Variants in MGAT4C observed in about 807,000 individuals in gnomAD.
MGAT4C encodes alpha-1,3-mannosyl-glycoprotein 4-beta-N-acetylglucosaminyltransferase C.
Under a neutral mutation model 40.1 loss-of-function variants are expected in MGAT4C, and 19 were observed. That is an observed-to-expected ratio of 0.47 (90% confidence interval 0.33 to 0.70). The LOEUF (loss-of-function observed/expected upper bound fraction) is 0.70, where lower values mean the gene tolerates loss of function less well. Among genes scored for constraint, MGAT4C ranks in the 30% least tolerant of loss-of-function variants. MGAT4C has a pLI of 0.02. For synonymous variants in MGAT4C, 181 were observed against 187.1 expected (o/e 0.97, Z 0.27); for missense variants, 491 against 563.2 (o/e 0.87, Z 1.30).
chr12:86,665,933 G>T (rs182103729), intron 2 of MGAT4C, among the ~76,000 whole-genome samples: 5 of 152,078 alleles, frequency 3.3e-5, no homozygotes, highest in Admixed American at 3.3e-4. Flanking sequence ...AAAAATAACA[G>T]AAAAATAAAC....
rs36112885 is a variant in MGAT4C at position 86,737,342 on chromosome 12, CT to C, written c.-261-10102del. On this transcript the variant is annotated intron_variant, in intron 1 of 7. Coordinates refer to the MGAT4C transcript ENST00000548651. ...TTGATGAGTCTAGCCAACTAAAATACTTTTTTTTTTTTTTTTTTTAACTTGG... is the reference window on the plus strand; with the variant it reads ...TTGATGAGTCTAGCCAACTAAAATACTTTTTTTTTTTTTTTTTTAACTTGG... 7.7e-3 allele frequency among the ~76,000 whole-genome samples: 1,013 copies of C among 131,158 alleles called. 11 individuals are homozygous for C. Among genetic ancestry groups the C allele is most frequent in the African/African-American group, 0.026 (938 of 35,826 alleles). The allele number at this position is 131,158 out of a possible 152,430, so 86.0% of individuals were successfully genotyped here.
intron 2 of MGAT4C, among the ~76,000 whole-genome samples, chr12:86,717,516 C>A (rs1470239494): frequency 6.6e-6 from 1 of 152,074 alleles, no homozygotes; most frequent in African/African-American, 2.4e-5. Context: ...AAATACATAG[C>A]ATATTTTGTT....
At position 86,774,315 on chromosome 12, in the gene MGAT4C, C is replaced by CTTTCTTTCTTTCTTTCTTTCTTTCT. The variant is rs768603562; in HGVS notation, c.-261-47099_-261-47075dup. ...TCTTTCTTTCTTTCTTTCTTTCTTT[C>CTTTCTTTCTTTCTTTCTTTCTTTCT]TTTCTTTCTTTCTTTCTTTCTTTCT... is the stretch of plus-strand genomic sequence containing the variant. On this transcript the variant is annotated intron_variant, in intron 1 of 7. Coordinates refer to the MGAT4C transcript ENST00000548651. Among the ~76,000 whole-genome samples the CTTTCTTTCTTTCTTTCTTTCTTTCT allele has an allele frequency of 3.1e-3, 186 of 59,394 alleles. 14 individuals carry two copies. The highest frequency in any genetic ancestry group is 9.4e-3 in the African/African-American group (176 of 18,668). 39.0% of individuals were successfully genotyped at this position (59,394 alleles called of 152,430 possible). A position where few individuals can be genotyped will look rare whatever the true frequency, so the allele number is the denominator to read the frequency against.
intron 2 of MGAT4C, among the ~76,000 whole-genome samples, chr12:86,482,433 T>A (rs1181872259): frequency 1.3e-5 from 2 of 152,062 alleles, no homozygotes; most frequent in Non-Finnish European, 2.9e-5. Flanking sequence ...AGTTGACACA[T>A]TTTTATTTTT....
intron 1 of MGAT4C, among the ~76,000 whole-genome samples, chr12:86,103,997 C>T (rs1008987449): frequency 1.3e-5 from 2 of 151,842 alleles, no homozygotes; most frequent in African/African-American, 2.4e-5. Context: ...TTTAAAAGAC[C>T]TCAAAAAGTA....
In MGAT4C at chr12:86,444,606, T is replaced by C. The variant is rs371925103; in HGVS notation, c.-228-9341A>G. ...CTACCATATCGTTGCAAATCTGACC[T>C]TACTCCAGTCTTCCATATCTTAACA... On this transcript the variant is annotated intron_variant, in intron 2 of 7. Coordinates refer to the MGAT4C transcript ENST00000548651. Among the ~76,000 whole-genome samples the C allele has an allele frequency of 3.9e-5, 6 of 152,330 alleles. No homozygotes were observed. The South Asian group carries it at 1.0e-3, about 26-fold the overall frequency.
chr12:86,769,384 T>C (rs2136165991), intron 1 of MGAT4C, among the ~76,000 whole-genome samples: 2 of 152,168 alleles, frequency 1.3e-5, no homozygotes, highest in East Asian at 3.9e-4. Flanking sequence ...GGAGAGGATG[T>C]GGAGACATAG....
At chr12:86,569,408 AT>A (rs1426627635) in intron 2 of MGAT4C, among the ~76,000 whole-genome samples, 2 of 152,100 alleles carry the variant, frequency 1.3e-5, no homozygotes, top group African/African-American at 4.8e-5. Flanking sequence ...CAAATTGTCA[AT>A]GGGTATATTT....
chr12:86,474,757 C>T (rs1258922508), intron 2 of MGAT4C, among the ~76,000 whole-genome samples: 1 of 151,934 alleles, frequency 6.6e-6, no homozygotes, highest in African/African-American at 2.4e-5. Context: ...GGGATATGGT[C>T]AGATTAATGG....
intron 1 of MGAT4C, among the ~76,000 whole-genome samples, chr12:86,744,007 G>T (rs1303148459): frequency 3.3e-5 from 5 of 151,508 alleles, no homozygotes; most frequent in Non-Finnish European, 5.9e-5. Flanking sequence ...AACCAACAAG[G>T]CATATGGAAG....
intron 1 of MGAT4C, among the ~76,000 whole-genome samples, chr12:86,837,021 TTGTAAAACTCTAAGACATTCAGGAG>T (rs1375971324): frequency 4.6e-5 from 7 of 152,224 alleles, no homozygotes; most frequent in Middle Eastern, 3.4e-3. Flanking sequence ...AGCCATCGAA[TTGTAAAACTCTAAGACATTCAGGAG>T]TGTATGTAGT....
chr12:86,237,984 G>T (rs2136035047), intron 1 of MGAT4C, among the ~76,000 whole-genome samples: 2 of 151,988 alleles, frequency 1.3e-5, no homozygotes, highest in African/African-American at 4.8e-5. Flanking sequence ...CATTATTTTT[G>T]AAAAATTTGG....
intron 1 of MGAT4C, among the ~76,000 whole-genome samples, chr12:86,803,144 G>C (rs1486697233): frequency 0.017 from 2,465 of 148,646 alleles, 64 homozygotes; most frequent in African/African-American, 0.058. Context: ...TGACAAACCT[G>C]AGAAAAACAA....
At chr12:86,203,237 G>A (rs1389279328) in intron 1 of MGAT4C, among the ~76,000 whole-genome samples, 1 of 151,920 alleles carries the variant, frequency 6.6e-6, no homozygotes, top group Non-Finnish European at 1.5e-5. Flanking sequence ...TTAATTCAAC[G>A]GTTATATTCT....
rs562937040 is a variant in MGAT4C, at chr12:86,026,248, A to G, written c.-7+23426T>C. Among the ~76,000 whole-genome samples, 6 of 152,038 alleles carry G rather than the reference A, an allele frequency of 3.9e-5. No individual in the cohort carries two copies. The East Asian group carries it at 1.2e-3, about 29-fold the overall frequency. ...CAGTTGAATGTTCTCCTCTACTCCC[A>G]TCACTGTAATTCCTACTACTGATTA... On this transcript the variant is annotated intron_variant, in intron 2 of 4. Coordinates refer to ENST00000611864, the MANE Select transcript of MGAT4C (RefSeq NM_001351288.2).
At position 85,972,262 on chromosome 12, in the gene MGAT4C, G is replaced by T. The variant is rs1883655754; in HGVS notation, c.*7027C>A. The T allele has an allele frequency of 6.6e-6, 1 of 151,080 alleles. No homozygotes were observed. The highest frequency in any genetic ancestry group is 2.4e-5 in the African/African-American group (1 of 41,334). 9.4% of individuals were successfully genotyped at this position (151,080 alleles called of 1,614,324 possible). A position where few individuals can be genotyped will look rare whatever the true frequency, so the allele number is the denominator to read the frequency against. On this transcript the variant is annotated 3_prime_UTR_variant, in exon 5 of 5. Transcript: ENST00000611864. The stretch of plus-strand genomic sequence containing the variant: ...TAGAGCTTAAGAAATGTTAAGAAGA[G>T]AAGTTACAACTGCATTAATAGGATT...
chr12:86,105,711 G>A (rs543217698), intron 1 of MGAT4C, among the ~76,000 whole-genome samples: 2 of 152,110 alleles, frequency 1.3e-5, no homozygotes, highest in African/African-American at 2.4e-5. Context: ...ATTCCTTTAC[G>A]ATTCAATTCA....
At chr12:86,273,017 T>C (rs1952987636) in intron 4 of MGAT4C, among the ~76,000 whole-genome samples, 1 of 152,204 alleles carries the variant, frequency 6.6e-6, no homozygotes, top group African/African-American at 2.4e-5. Flanking sequence ...TTATTTCCTG[T>C]TTTCTTAGAA....
rs528669304 is a variant in MGAT4C, at chr12:86,294,691, G to A, written c.-57+39374C>T. On this transcript the variant is annotated intron_variant, in intron 4 of 7. Transcript: ENST00000548651. ...TCAGCATTTGTTGGGGGGGAAAAAA[G>A]TTAAATACTTTTAGTTTCCCAGTTG... Among the ~76,000 whole-genome samples the A allele has an allele frequency of 4.5e-3, 686 of 152,238 alleles. 7 individuals carry two copies. Among genetic ancestry groups the A allele is most frequent in the South Asian group, 0.014 (67 of 4,830 alleles).
Sources: allele counts gnomAD v4.1 joint callset (sites outside exome capture counted in the v4.1 genomes callset), GRCh38; gene constraint gnomAD v4.1.1; transcripts MANE v1.5; gene names NCBI Gene and HGNC (gene_info 2026-07-23, HGNC 2026-07-21).